Variants in DSCAM observed in about 807,000 individuals in gnomAD.
The protein encoded by DSCAM is cell adhesion molecule DSCAM.
DSCAM carries 47 observed loss-of-function variants against 217.7 expected under a neutral mutation model. The ratio of observed to expected loss-of-function variants is 0.22; its 90% CI spans 0.17 to 0.28. The LOEUF (loss-of-function observed/expected upper bound fraction) is 0.28, where lower values mean the gene tolerates loss of function less well. DSCAM is among the 10% of genes least tolerant of loss of function. The pLI is 1.00. For missense variants in DSCAM, 2,080 were observed against 2,618.3 expected, an observed-to-expected ratio of 0.79 and a Z score of 4.49; for synonymous variants, 1,056 against 1,015.3, an observed-to-expected ratio of 1.04 and a Z score of -0.76.
At chr21:40,459,683 A>G (rs572952943) in intron 3 of DSCAM, among the ~76,000 whole-genome samples, 1 of 152,310 alleles carries the variant, frequency 6.6e-6, no homozygotes, top group South Asian at 2.1e-4. Context: ...TAAAGAAAGC[A>G]ATGCATGAAT....
Position 40,339,138 on chromosome 21 carries a change from C to T in DSCAM, c.1488G>A (p.Gln496=). ...ANNSAGVVLY[Q]ARINVRGPAS... is the part of the protein sequence containing the mutation. ...AAGCACCTCTTACGTTTATTCGAGC[C>T]TGGTACAGGACGACTCCCGCCGAGT... Residue 496 remains glutamine (Q), a synonymous_variant, in exon 7 of 33, where the codon CAG becomes CAA. Transcript: ENST00000400454. The T allele has an allele frequency of 6.2e-7, 1 of 1,614,142 alleles. No homozygotes were observed. The highest frequency in any genetic ancestry group is 8.5e-7 in the Non-Finnish European group (1 of 1,180,018).
At chr21:40,119,975 T>C (rs1383675549) in intron 20 of DSCAM, among the ~76,000 whole-genome samples, 1 of 152,136 alleles carries the variant, frequency 6.6e-6, no homozygotes, top group Admixed American at 6.5e-5. Context: ...AGCCTGACTA[T>C]GGCTTTATTT....
rs577910969 is a variant in DSCAM at position 40,810,528 on chromosome 21, G to T, written c.43+36091C>A. Among the ~76,000 whole-genome samples the T allele has an allele frequency of 3.9e-5, 6 of 152,252 alleles. No homozygotes were observed. In the South Asian group the frequency reaches 1.2e-3, roughly 32 times the overall value. On this transcript the variant is annotated intron_variant, in intron 1 of 32. Transcript: ENST00000400454. ...TCAGAGAGATCTGGGTTTGGATCCT[G>T]GCCCCATCACTAATTAGCTGACCCA...
chr21:40,344,710 G>A (rs1165038508), intron 6 of DSCAM, among the ~76,000 whole-genome samples: 2 of 151,990 alleles, frequency 1.3e-5, no homozygotes, highest in African/African-American at 2.4e-5. Flanking sequence ...CTTTATCTTC[G>A]GTTTTCAGCA....
intron 11 of DSCAM, among the ~76,000 whole-genome samples, chr21:40,243,685 A>G (rs1226296201): frequency 1.3e-5 from 2 of 152,132 alleles, no homozygotes; most frequent in Non-Finnish European, 2.9e-5. Flanking sequence ...TCCTCCACAC[A>G]TTGTTTCAGC....
chr21:40,577,774 G>C (rs930136222), intron 3 of DSCAM, among the ~76,000 whole-genome samples: 1 of 152,200 alleles, frequency 6.6e-6, no homozygotes, highest in African/African-American at 2.4e-5. Context: ...TTACAGGAAA[G>C]TAAACAGTTC....
intron 3 of DSCAM, among the ~76,000 whole-genome samples, chr21:40,674,789 C>A (rs1181824417): frequency 1.3e-5 from 2 of 151,928 alleles, no homozygotes; most frequent in African/African-American, 4.8e-5. Context: ...CCTGCCACCA[C>A]GCCCGGCTAA....
intron 11 of DSCAM, among the ~76,000 whole-genome samples, chr21:40,259,807 G>A (rs2073425235): frequency 6.6e-6 from 1 of 151,216 alleles, no homozygotes; most frequent in African/African-American, 2.4e-5. Context: ...CCGAGTAGCT[G>A]GGACTACAGG....
chr21:40,227,889 T>C (rs528975821), intron 11 of DSCAM, among the ~76,000 whole-genome samples: 49 of 152,318 alleles, frequency 3.2e-4, no homozygotes, highest in African/African-American at 1.2e-3. Context: ...ACCTGCTACC[T>C]AATGTCCCTG....
intron 28 of DSCAM, among the ~76,000 whole-genome samples, chr21:40,062,135 G>C (rs2089133002): frequency 6.6e-6 from 1 of 152,218 alleles, no homozygotes; most frequent in Non-Finnish European, 1.5e-5. Context: ...GGGGGACTGG[G>C]TGGAAAATAG....
At chr21:40,541,872 C>T (rs1371498549) in intron 3 of DSCAM, among the ~76,000 whole-genome samples, 1 of 152,154 alleles carries the variant, frequency 6.6e-6, no homozygotes, top group African/African-American at 2.4e-5. Flanking sequence ...ATTTAAATTT[C>T]TATTTGTTTT....
chr21:40,639,073 G>GC (rs150533556), intron 3 of DSCAM, among the ~76,000 whole-genome samples: 23,337 of 136,950 alleles, frequency 0.17, 1,967 homozygotes, highest in Admixed American at 0.26. Flanking sequence ...TAAATATCCT[G>GC]CATTTTTTTT....
At chr21:40,151,083 G>A (rs1343006414) in intron 16 of DSCAM, among the ~76,000 whole-genome samples, 2 of 152,172 alleles carry the variant, frequency 1.3e-5, no homozygotes, top group African/African-American at 2.4e-5. Flanking sequence ...AGTAGTACCT[G>A]TTGTGAGATC....
At chr21:40,335,248 T>A (rs990750713) in intron 8 of DSCAM, among the ~76,000 whole-genome samples, 12 of 152,144 alleles carry the variant, frequency 7.9e-5, no homozygotes, top group Admixed American at 3.9e-4. Flanking sequence ...AAATACCACA[T>A]AAAATAATAT....
Position 40,637,628 on chromosome 21 carries a change from TATAA to T in DSCAM, c.508+55178_508+55181del, listed in dbSNP as rs1293496507. Among the ~76,000 whole-genome samples, 155 of 41,504 alleles carry T rather than the reference TATAA, an allele frequency of 3.7e-3. 8 individuals are homozygous for T. The highest frequency in any genetic ancestry group is 0.014 in the African/African-American group (142 of 9,840). The allele number at this position is 41,504 out of a possible 152,430, so 27.2% of individuals were successfully genotyped here. A position where few individuals can be genotyped will look rare whatever the true frequency, so the allele number is the denominator to read the frequency against. On this transcript the variant is annotated intron_variant, in intron 3 of 32. Coordinates refer to ENST00000400454, the MANE Select transcript of DSCAM (RefSeq NM_001389.5). ...ATAAATATATATAAATATATACATA[TATAA>T]ATATATATAAATATATATCTATATA... is the stretch of plus-strand genomic sequence containing the variant.
rs541395085 is a variant in DSCAM, at chr21:40,405,136, C to T, written c.509-35891G>A. On this transcript the variant is annotated intron_variant, in intron 3 of 32. Transcript: ENST00000400454. ...CCCCCAGGAACTGAGAATCTAGTGG[C>T]GTATATTGTCTAGTAAAAATAATAA... 9.2e-5 allele frequency among the ~76,000 whole-genome samples: 14 copies of T among 152,060 alleles called. No individual in the cohort carries two copies. In the East Asian group the frequency reaches 1.4e-3, roughly 15 times the overall value.
intron 3 of DSCAM, among the ~76,000 whole-genome samples, chr21:40,520,953 TGTAA>T (rs1429790878): frequency 2.6e-5 from 4 of 152,262 alleles, no homozygotes; most frequent in Admixed American, 6.5e-5. Context: ...ACATGTACCC[TGTAA>T]GTATGTACAA....
intron 15 of DSCAM, among the ~76,000 whole-genome samples, chr21:40,175,803 A>G (rs1197185196): frequency 7.2e-5 from 8 of 110,742 alleles, no homozygotes; most frequent in African/African-American, 2.7e-4. Context: ...ACACACACAC[A>G]CACACGCACA....
intron 3 of DSCAM, among the ~76,000 whole-genome samples, chr21:40,542,152 CAGA>C (rs140789197): frequency 0.02 from 3,002 of 152,236 alleles, 94 homozygotes; most frequent in African/African-American, 0.067. Flanking sequence ...TGACTGATTT[CAGA>C]AGAAGATTAT....
Sources: allele counts gnomAD v4.1 joint callset (sites outside exome capture counted in the v4.1 genomes callset), GRCh38; gene constraint gnomAD v4.1.1; transcripts MANE v1.5; gene names NCBI Gene and HGNC (gene_info 2026-07-23, HGNC 2026-07-21).